Variants in OR10J1 observed in about 807,000 individuals in gnomAD.
OR10J1 encodes the protein olfactory receptor 10J1.
For synonymous variants in OR10J1, 202 were observed against 143.8 expected (o/e 1.40, Z -2.89); for missense variants, 474 against 376.6 (o/e 1.26, Z -2.14).
the OR10J1 span, among the ~76,000 whole-genome samples, chr1:159,401,097 C>T: frequency 1.3e-5 from 2 of 150,826 alleles, no homozygotes; most frequent in Non-Finnish European, 3.0e-5. Context: ...TGGGATATAG[C>T]AAAAGCAGTA....
chr1:159,398,009 T>G, the OR10J1 span, among the ~76,000 whole-genome samples: 1 of 152,208 alleles, frequency 6.6e-6, no homozygotes, highest in East Asian at 1.9e-4. Flanking sequence ...ACAGGAGTGC[T>G]TGTGTCACTA....
Position 159,440,557 on chromosome 1 carries a change from A to G in OR10J1, c.766A>G (p.Ile256Val). 6.2e-7 allele frequency: 1 copy of G among 1,613,564 alleles called. No homozygotes were observed. The highest frequency in any genetic ancestry group is 8.5e-7 in the Non-Finnish European group (1 of 1,179,932). Residue 256 changes from isoleucine (I) to valine (V), a missense_variant, in exon 1 of 1, where the codon ATT (isoleucine) becomes GTT (valine). Transcript: ENST00000423932. Reference protein sequence around the residue: ...VVIVHYSCASIAYLKPKSENT... With the variant: ...VVIVHYSCASVAYLKPKSENT... ...CATTGTCCACTACAGCTGTGCCTCCATTGCCTACCTCAAGCCCAAGTCAGA... is the reference window on the plus strand; with the variant it reads ...CATTGTCCACTACAGCTGTGCCTCCGTTGCCTACCTCAAGCCCAAGTCAGA...
chr1:159,411,823 G>A, the OR10J1 span, among the ~76,000 whole-genome samples: 1 of 152,062 alleles, frequency 6.6e-6, no homozygotes, highest in South Asian at 2.1e-4. Flanking sequence ...CATAGTGTTG[G>A]AAGTTCTGGC....
At chr1:159,422,587 G>T in the OR10J1 span, among the ~76,000 whole-genome samples, 1 of 152,166 alleles carries the variant, frequency 6.6e-6, no homozygotes, top group Non-Finnish European at 1.5e-5. Context: ...GGGATGTGGA[G>T]ATGCAGAAGC....
At chr1:159,413,802 C>A in the OR10J1 span, among the ~76,000 whole-genome samples, 1 of 151,294 alleles carries the variant, frequency 6.6e-6, no homozygotes, top group Non-Finnish European at 1.5e-5. Flanking sequence ...AACTAACCTG[C>A]ACATTGTGCA....
At chr1:159,426,176 A>G in the OR10J1 span, among the ~76,000 whole-genome samples, 13 of 151,934 alleles carry the variant, frequency 8.6e-5, no homozygotes, top group Non-Finnish European at 1.8e-4. Flanking sequence ...AATAAAAAAT[A>G]TAAAATATGG....
At chr1:159,435,956 A>G (rs545660067), upstream of OR10J1, among the ~76,000 whole-genome samples, 10 of 152,276 alleles carry the variant, frequency 6.6e-5, no homozygotes, top group South Asian at 1.7e-3. Context: ...GTACATCCCT[A>G]ATCTGTAAAA....
chr1:159,435,828 G>A (rs997272240), upstream of OR10J1, among the ~76,000 whole-genome samples: 3 of 152,156 alleles, frequency 2.0e-5, no homozygotes, highest in Non-Finnish European at 4.4e-5. Flanking sequence ...AGAAGATTTT[G>A]CATTAGGTTC....
chr1:159,413,888 A>T, the OR10J1 span, among the ~76,000 whole-genome samples: 5 of 151,910 alleles, frequency 3.3e-5, no homozygotes, highest in East Asian at 7.7e-4. Context: ...AAAAAAATAT[A>T]TTGCTTGTTT....
the OR10J1 span, among the ~76,000 whole-genome samples, chr1:159,422,680 G>T: frequency 6.6e-6 from 1 of 152,174 alleles, no homozygotes; most frequent in East Asian, 1.9e-4. Context: ...AAGACTCTGG[G>T]GGTTGTGGGA....
the OR10J1 span, chr1:159,406,315 G>T: frequency 2.0e-6 from 1 of 503,040 alleles, no homozygotes; most frequent in South Asian, 1.5e-5. Flanking sequence ...CCTGAAGCTG[G>T]AGAAACCTTC....
the OR10J1 span, among the ~76,000 whole-genome samples, chr1:159,401,871 A>G: frequency 6.6e-6 from 1 of 152,134 alleles, no homozygotes; most frequent in East Asian, 1.9e-4. Flanking sequence ...ACAGAATCCA[A>G]CAATACATTG....
At chr1:159,397,896 T>C in the OR10J1 span, among the ~76,000 whole-genome samples, 1 of 152,278 alleles carries the variant, frequency 6.6e-6, no homozygotes, top group East Asian at 1.9e-4. Context: ...CCCCAGGGCC[T>C]TGAGTGAACA....
the OR10J1 span, among the ~76,000 whole-genome samples, chr1:159,408,206 G>A: frequency 2.2e-4 from 33 of 152,020 alleles, no homozygotes; most frequent in Middle Eastern, 6.8e-3. Flanking sequence ...CAAAGACTTG[G>A]AACCAACCCA....
At chr1:159,408,653 T>G in the OR10J1 span, among the ~76,000 whole-genome samples, 1 of 152,066 alleles carries the variant, frequency 6.6e-6, no homozygotes, top group African/African-American at 2.4e-5. Flanking sequence ...AAATTCTCAT[T>G]CCACCTGGGC....
the OR10J1 span, chr1:159,406,359 C>G: frequency 3.8e-5 from 17 of 442,892 alleles, no homozygotes; most frequent in Non-Finnish European, 6.8e-5. Flanking sequence ...TGGACTTTGA[C>G]CTTGGCACTG....
the OR10J1 span, among the ~76,000 whole-genome samples, chr1:159,427,822 G>T: frequency 6.6e-6 from 1 of 152,066 alleles, no homozygotes; most frequent in Admixed American, 6.6e-5. Context: ...TGAAAAAATA[G>T]TAAACTGAAT....
chr1:159,409,716 C>A, the OR10J1 span, among the ~76,000 whole-genome samples: 1 of 152,012 alleles, frequency 6.6e-6, no homozygotes, highest in Non-Finnish European at 1.5e-5. Context: ...ACAGCTTTTC[C>A]AATTTTTTAA....
Position 159,440,403 on chromosome 1 carries a change from G to A in OR10J1, c.612G>A (p.Leu204=). ...NEILTLIISV[L]VLVVPMGLVF... ...TCCTGACTTTGATTATCAGTGTGCT[G>A]GTGCTTGTTGTACCTATGGGTCTGG... The change falls in exon 1 of 1, where the codon CTG becomes CTA. Residue 204 remains leucine (L), a synonymous_variant. Coordinates refer to ENST00000423932, the MANE Select transcript of OR10J1 (RefSeq NM_012351.3). The A allele has an allele frequency of 6.2e-7, 1 of 1,614,138 alleles. No homozygotes were observed. Among genetic ancestry groups the A allele is most frequent in the Non-Finnish European group, 8.5e-7 (1 of 1,180,028 alleles).
Sources: allele counts gnomAD v4.1 joint callset (sites outside exome capture counted in the v4.1 genomes callset), GRCh38; gene constraint gnomAD v4.1.1; transcripts MANE v1.5; gene names NCBI Gene and HGNC (gene_info 2026-07-23, HGNC 2026-07-21).